The following RYR3 variants were observed in gnomAD, a reference collection of about 807,000 sequenced individuals.
The protein encoded by RYR3 is brain ryanodine receptor-calcium release channel.
RYR3 carries 207 observed loss-of-function variants against 584.3 expected under a neutral mutation model. The ratio of observed to expected loss-of-function variants is 0.35; its 90% confidence interval spans 0.32 to 0.40. RYR3 has a LOEUF of 0.40. Ranked by LOEUF, RYR3 falls within the 10% of genes least tolerant of loss-of-function variation. The pLI, the probability that RYR3 is intolerant of heterozygous loss-of-function variation, is 1.00. For synonymous variants in RYR3, 2,416 were observed against 2,248.5 expected, an observed-to-expected ratio of 1.07 and a Z score of -2.11; for missense variants, 5,616 against 6,089.2, an observed-to-expected ratio of 0.92 and a Z score of 2.59.
chr15:33,632,967 C>G lies in RYR3; in HGVS notation c.2886C>G (p.Gly962=). The G allele has an allele frequency of 6.2e-7, 1 of 1,613,606 alleles. No homozygotes were observed. Among genetic ancestry groups the G allele is most frequent in the African/African-American group, 1.3e-5 (1 of 75,028 alleles). Residue 962 remains glycine, a synonymous_variant, in exon 24 of 104, where the codon GGC becomes GGG. Transcript: ENST00000634891. ...CTTGTAGCTATATGATGTCCAACGG[C>G]TATAAGCCAGCCCCTTTGGATTTGT... is the stretch of plus-strand genomic sequence containing the variant. ...KLPKNYMMSN[G]YKPAPLDLSD...
At chr15:33,748,619 G>A in intron 55 of RYR3, 89 bp downstream of exon 55, 1 of 1,087,090 alleles carries the variant, frequency 9.2e-7, no homozygotes, top group South Asian at 1.3e-5. Flanking sequence ...GGGAAAGAAT[G>A]CCTAGAACAT....
chr15:33,442,861 C>A (rs1029435839), intron 1 of RYR3, among the ~76,000 whole-genome samples: 1 of 152,222 alleles, frequency 6.6e-6, no homozygotes, highest in African/African-American at 2.4e-5. Context: ...GGGGCTATAA[C>A]AAAAGCATAT....
At chr15:33,787,615 C>A (rs571215948) in intron 66 of RYR3, among the ~76,000 whole-genome samples, 2 of 152,242 alleles carry the variant, frequency 1.3e-5, no homozygotes, top group East Asian at 3.9e-4. Context: ...CTAGTGATCA[C>A]CCCAGCCTCT....
chr15:33,726,462 T>C lies in RYR3; in HGVS notation c.6989T>C (p.Val2330Ala), dbSNP rs756778149. The C allele has an allele frequency of 5.0e-6, 8 of 1,607,896 alleles. No homozygotes were observed. Among genetic ancestry groups the C allele is most frequent in the Non-Finnish European group, 4.2e-6 (5 of 1,177,066 alleles). ...TCCCTGGTCCCCACAGAAGACCTGG[T>C]TGGGATCATCAGCATCCCCTTGAAA... ...LRSLVPTEDLVGIISIPLKLP... is the reference protein window; with the variant it reads ...LRSLVPTEDLAGIISIPLKLP... Residue 2330 changes from valine to alanine, a missense_variant, in exon 46 of 104, where the codon GTT becomes GCT. Val to Ala is a moderately conservative substitution (Grantham distance 64, BLOSUM62 0). Transcript: ENST00000634891.
intron 16 of RYR3, among the ~76,000 whole-genome samples, chr15:33,594,753 T>A (rs2059291989): frequency 6.6e-6 from 1 of 152,278 alleles, no homozygotes; most frequent in East Asian, 1.9e-4. Context: ...ACAAGACAGC[T>A]TTTTGTGGAT....
chr15:33,826,719 T>G lies in RYR3; in HGVS notation c.11212T>G (p.Phe3738Val). ...CGAGTTCACGCGTGATCTCTTTAGA[T>G]TCCTACAGTTACTTTGTGAGGGACA... Reference protein sequence around the residue: ...NDEFTRDLFRFLQLLCEGHNS... With the variant: ...NDEFTRDLFRVLQLLCEGHNS... Residue 3738 changes from phenylalanine to valine, a missense_variant, in exon 84 of 104, where the codon TTC becomes GTC. Physicochemically the swap from Phe to Val is conservative, Grantham distance 50. Transcript: ENST00000634891. 1 of 1,613,674 alleles carries G rather than the reference T, an allele frequency of 6.2e-7. No homozygotes were observed. The highest frequency in any genetic ancestry group is 8.5e-7 in the Non-Finnish European group (1 of 1,179,738).
intron 2 of RYR3, among the ~76,000 whole-genome samples, chr15:33,500,756 C>T (rs760470539): frequency 1.5e-4 from 23 of 152,158 alleles, no homozygotes; most frequent in Non-Finnish European, 2.2e-4. Context: ...CTCATGGCTA[C>T]AAACAAATTA....
intron 43 of RYR3, among the ~76,000 whole-genome samples, chr15:33,717,627 T>A (rs548984577): frequency 6.6e-6 from 1 of 152,350 alleles, no homozygotes; most frequent in East Asian, 1.9e-4. Flanking sequence ...CTCTCTTATA[T>A]TGGCCTGCAT....
chr15:33,314,050 C>T (rs994950082), intron 1 of RYR3, among the ~76,000 whole-genome samples: 1 of 152,142 alleles, frequency 6.6e-6, no homozygotes, highest in Non-Finnish European at 1.5e-5. Context: ...CATTTGGAAG[C>T]CCACCCTCTC....
At chr15:33,458,639 C>G (rs1311383794) in intron 1 of RYR3, among the ~76,000 whole-genome samples, 2 of 152,206 alleles carry the variant, frequency 1.3e-5, no homozygotes, top group East Asian at 3.8e-4. Context: ...CTGGAGAAGT[C>G]TGTAAGGTGT....
intron 2 of RYR3, among the ~76,000 whole-genome samples, chr15:33,493,753 T>C (rs1229401034): frequency 6.6e-6 from 1 of 152,228 alleles, no homozygotes; most frequent in Non-Finnish European, 1.5e-5. Context: ...TATACATATC[T>C]GTTTTAGCTC....
At position 33,847,693 on chromosome 15, in the gene RYR3, A is replaced by G. The variant is rs12594520; in HGVS notation, c.13498-598A>G. On this transcript the variant is annotated intron_variant, in intron 93 of 103. Transcript: ENST00000634891. ...AAAAGTTCCAATTATAAAAGAATAG[A>G]GAGTGATAGTAGGAAACAAGTATGC... 3,229 of 152,468 alleles carry G rather than the reference A, an allele frequency of 0.021. 203 individuals are homozygous for G. In the East Asian group the frequency reaches 0.26, roughly 12 times the overall value. 9.4% of individuals were successfully genotyped at this position (152,468 alleles called of 1,614,324 possible).
chr15:33,820,112 G>C (rs1484035280), intron 77 of RYR3, among the ~76,000 whole-genome samples: 1 of 152,210 alleles, frequency 6.6e-6, no homozygotes, highest in Admixed American at 6.5e-5. Flanking sequence ...TCAATGTTCA[G>C]GATACATCAG....
At position 33,406,706 on chromosome 15, in the gene RYR3, C is replaced by T. The variant is rs574888116; in HGVS notation, c.52-66713C>T. Among the ~76,000 whole-genome samples the T allele has an allele frequency of 4.6e-5, 7 of 152,228 alleles. No homozygotes were observed. In the South Asian group the frequency reaches 6.2e-4, roughly 14 times the overall value. ...AGTTTGAACATAGCTGAAAGTTAAC[C>T]GTCAGACAAGGGCTTGTTAGTCGAA... is the stretch of plus-strand genomic sequence containing the variant. On this transcript the variant is annotated intron_variant, in intron 1 of 103. Transcript: ENST00000634891.
chr15:33,636,318 C>T (rs2061497531), intron 26 of RYR3, 58 bp from the exon 27 acceptor site: 4 of 1,443,728 alleles, frequency 2.8e-6, no homozygotes, highest in Non-Finnish European at 3.9e-6. Flanking sequence ...GTCATTTCTC[C>T]AGCTGCTGGG....
At chr15:33,404,101 T>C (rs1490380229) in intron 1 of RYR3, among the ~76,000 whole-genome samples, 1 of 152,228 alleles carries the variant, frequency 6.6e-6, no homozygotes, top group East Asian at 1.9e-4. Flanking sequence ...AATTTGGTCG[T>C]AAAATAACAG....
chr15:33,752,789 G>A (rs1267592398), intron 57 of RYR3, among the ~76,000 whole-genome samples: 1 of 152,180 alleles, frequency 6.6e-6, no homozygotes, highest in Non-Finnish European at 1.5e-5. Flanking sequence ...TGGTGAGAGA[G>A]GGCATCCTTG....
At chr15:33,844,825 T>G in intron 92 of RYR3, 37 bp from the exon 93 acceptor site, 1 of 1,583,948 alleles carries the variant, frequency 6.3e-7, no homozygotes, top group South Asian at 1.1e-5. Flanking sequence ...TGAGGTTCTT[T>G]TTGATGTTTA....
chr15:33,316,467 A>G (rs946834218), intron 1 of RYR3, among the ~76,000 whole-genome samples: 5 of 152,330 alleles, frequency 3.3e-5, no homozygotes, highest in Admixed American at 1.3e-4. Flanking sequence ...ATATCAGTAT[A>G]AACCTTTCTA....
Sources: allele counts gnomAD v4.1 joint callset (sites outside exome capture counted in the v4.1 genomes callset), GRCh38; gene constraint gnomAD v4.1.1; transcripts MANE v1.5; gene names NCBI Gene and HGNC (gene_info 2026-07-23, HGNC 2026-07-21).